The following MYO16 variants were observed in gnomAD, a reference collection of about 807,000 sequenced individuals.
MYO16 encodes unconventional myosin-XVI.
A neutral mutation model predicts 205.3 loss-of-function variants in MYO16; 94 were observed. The observed-to-expected ratio is 0.46, with a 90% confidence interval of 0.39 to 0.54. MYO16 has a LOEUF of 0.54. Among genes scored for constraint, MYO16 ranks in the 20% least tolerant of loss-of-function variants. The pLI, the probability that MYO16 is intolerant of heterozygous loss-of-function variation, is 0.00. For synonymous variants in MYO16, 988 were observed against 954.0 expected, an observed-to-expected ratio of 1.04 and a Z score of -0.66; for missense variants, 2,315 against 2,387.5, an observed-to-expected ratio of 0.97 and a Z score of 0.63.
intron 4 of MYO16, among the ~76,000 whole-genome samples, chr13:108,749,911 G>A (rs1447735942): frequency 6.6e-6 from 1 of 152,194 alleles, no homozygotes; most frequent in African/African-American, 2.4e-5. Flanking sequence ...TACACAAACT[G>A]TGGATCATCC....
intron 3 of MYO16, 53 bp downstream of exon 3, chr13:108,712,784 C>T: frequency 7.0e-7 from 1 of 1,425,734 alleles, no homozygotes; most frequent in East Asian, 2.4e-5. Flanking sequence ...GGGGAGAGTA[C>T]ATTACAGGTT....
At position 109,118,840 on chromosome 13, in the gene MYO16, GA is replaced by G. The variant is rs564968648; in HGVS notation, c.3439-1520del. Among the ~76,000 whole-genome samples, 148 of 148,014 alleles carry G rather than the reference GA, an allele frequency of 1.0e-3. 1 individual carries two copies. In the South Asian group the frequency reaches 0.022, roughly 22 times the overall value. On this transcript the variant is annotated intron_variant, in intron 28 of 34. Transcript: ENST00000457511. ...TGGGAAGATAAAATGGCAATACAATGAAAAAAAAAAGTAACAATCTCAGTAG... is the reference window on the plus strand; with the variant it reads ...TGGGAAGATAAAATGGCAATACAATGAAAAAAAAAGTAACAATCTCAGTAG...
rs574000880 is a variant in MYO16 at position 108,955,897 on chromosome 13, A to G, written c.1926-1791A>G. Among the ~76,000 whole-genome samples the G allele has an allele frequency of 6.9e-4, 105 of 152,238 alleles. 1 individual carries two copies. The highest frequency in any genetic ancestry group is 5.6e-4 in the Non-Finnish European group (38 of 68,010). On this transcript the variant is annotated intron_variant, in intron 16 of 34. Transcript: ENST00000457511. ...AAAAACACCTTCTCCTTTTGTTTTAATGACTCAGATTTTTTGTAACATTCT... is the reference window on the plus strand; with the variant it reads ...AAAAACACCTTCTCCTTTTGTTTTAGTGACTCAGATTTTTTGTAACATTCT...
chr13:109,107,069 C>T (rs1329376569), intron 28 of MYO16, among the ~76,000 whole-genome samples: 1 of 152,172 alleles, frequency 6.6e-6, no homozygotes, highest in East Asian at 1.9e-4. Flanking sequence ...ACACCAACTT[C>T]ATCCCAAGTA....
rs1882410309 is a variant in MYO16 at position 108,680,341 on chromosome 13, A to T, written c.292+14192A>T. ...TTTTGCAAATTAACATAAGATGTCA[A>T]TTTCTAGATAGCTAGCAACTGTTTC... On this transcript the variant is annotated intron_variant, in intron 2 of 34. Coordinates refer to ENST00000457511, the MANE Select transcript of MYO16 (RefSeq NM_001198950.3). 2.0e-5 allele frequency among the ~76,000 whole-genome samples: 3 copies of T among 152,196 alleles called. No homozygotes were observed. In the South Asian group the frequency reaches 6.2e-4, roughly 31 times the overall value.
At chr13:108,908,132 C>G (rs1262492628) in intron 15 of MYO16, among the ~76,000 whole-genome samples, 1 of 152,084 alleles carries the variant, frequency 6.6e-6, no homozygotes, top group African/African-American at 2.4e-5. Context: ...GAGACCTGTG[C>G]ACACACATTC....
chr13:108,852,535 T>A (rs1877935182), intron 10 of MYO16, among the ~76,000 whole-genome samples: 1 of 152,196 alleles, frequency 6.6e-6, no homozygotes, highest in South Asian at 2.1e-4. Flanking sequence ...AAAATGTTAT[T>A]CAGCAGAAGA....
chr13:108,570,205 G>C, the MYO16 span, among the ~76,000 whole-genome samples: 1 of 151,854 alleles, frequency 6.6e-6, no homozygotes, highest in South Asian at 2.1e-4. Context: ...TGCTTGCTTG[G>C]TTTTTGCTTT....
At chr13:108,796,311 T>C (rs573655646) in intron 6 of MYO16, among the ~76,000 whole-genome samples, 2 of 152,288 alleles carry the variant, frequency 1.3e-5, no homozygotes, top group Non-Finnish European at 2.9e-5. Flanking sequence ...ACTCTTACAC[T>C]GTTGGTGGGA....
intron 14 of MYO16, among the ~76,000 whole-genome samples, chr13:108,897,023 T>A (rs1017431507): frequency 3.3e-5 from 5 of 151,502 alleles, no homozygotes; most frequent in East Asian, 2.0e-4. Context: ...GTAAATTTTT[T>A]AAAAAAAGTG....
At chr13:109,098,568 T>C (rs1888850326) in intron 27 of MYO16, among the ~76,000 whole-genome samples, 1 of 152,176 alleles carries the variant, frequency 6.6e-6, no homozygotes. Context: ...ATTGGGCCCT[T>C]CCTGTTGACC....
At chr13:109,121,767 T>G (rs1234830714) in intron 29 of MYO16, among the ~76,000 whole-genome samples, 1 of 152,174 alleles carries the variant, frequency 6.6e-6, no homozygotes, top group Non-Finnish European at 1.5e-5. Flanking sequence ...GATCTCTGGG[T>G]GGCCTCCTGA....
At chr13:109,181,272 A>G (rs887354052) in intron 34 of MYO16, among the ~76,000 whole-genome samples, 5 of 152,246 alleles carry the variant, frequency 3.3e-5, no homozygotes, top group African/African-American at 1.2e-4. Context: ...ACTGAAAACC[A>G]TGCTTATTTT....
rs117543220 is a variant in MYO16 at position 108,788,281 on chromosome 13, G to A, written c.616+2538G>A. ...CACCACCGACTTACACTGTAAACTC[G>A]GGGACAGCAATTAACCTCGGCTCAC... is the stretch of plus-strand genomic sequence containing the variant. On this transcript the variant is annotated intron_variant, in intron 5 of 34. Coordinates refer to ENST00000457511, the MANE Select transcript of MYO16 (RefSeq NM_001198950.3). 3.7e-4 allele frequency among the ~76,000 whole-genome samples: 57 copies of A among 152,210 alleles called. No homozygotes were observed. The East Asian group carries it at 7.4e-3, about 20-fold the overall frequency.
At chr13:108,852,664 C>T (rs1436035294) in intron 10 of MYO16, among the ~76,000 whole-genome samples, 1 of 152,138 alleles carries the variant, frequency 6.6e-6, no homozygotes, top group Non-Finnish European at 1.5e-5. Context: ...CACCCGCATC[C>T]CTCCCGCCAA....
intron 28 of MYO16, among the ~76,000 whole-genome samples, chr13:109,113,057 GATTT>G (rs1368119835): frequency 6.6e-6 from 1 of 152,292 alleles, no homozygotes; most frequent in East Asian, 1.9e-4. Flanking sequence ...TACTGTAATT[GATTT>G]ATTATTATAA....
chr13:108,760,010 C>T (rs1000532864), intron 4 of MYO16, among the ~76,000 whole-genome samples: 4 of 152,248 alleles, frequency 2.6e-5, no homozygotes, highest in East Asian at 1.9e-4. Flanking sequence ...ATGATCAGAT[C>T]AGGGTAACTG....
intron 10 of MYO16, among the ~76,000 whole-genome samples, chr13:108,848,756 G>A (rs903781128): frequency 8.5e-5 from 13 of 152,300 alleles, no homozygotes; most frequent in Middle Eastern, 3.4e-3. Flanking sequence ...TGGAGGCTGC[G>A]GTGAGCTAGG....
chr13:108,591,516 C>A (rs1207210454), upstream of MYO16, among the ~76,000 whole-genome samples: 2 of 151,598 alleles, frequency 1.3e-5, no homozygotes, highest in Non-Finnish European at 2.9e-5. Context: ...GGCTTTGGTT[C>A]TTTTCTTCTT....
Sources: gnomAD v4.1 joint callset for allele counts (sites outside exome capture counted in the v4.1 genomes callset) on GRCh38, gnomAD v4.1.1 for gene constraint, MANE v1.5 for transcripts, NCBI Gene and HGNC (gene_info 2026-07-23, HGNC 2026-07-21) for gene names.